Variants in ENOX2 observed in about 807,000 individuals in gnomAD.
ENOX2 encodes the protein ecto-NOX disulfide-thiol exchanger 2, also known as APK1 antigen.
ENOX2 carries 36 observed loss-of-function variants against 45.0 expected under a neutral mutation model. That is an observed-to-expected ratio of 0.80 (90% CI 0.61 to 1.06). ENOX2 has a LOEUF of 1.06. ENOX2 is among the 50% of genes least tolerant of loss of function. ENOX2 has a pLI of 0.00. For missense variants in ENOX2, 423 were observed against 462.5 expected (o/e 0.91, Z 0.78); for synonymous variants, 174 against 152.3 (o/e 1.14, Z -1.05).
intron 3 of ENOX2, among the ~76,000 whole-genome samples, chrX:130,768,165 C>T (rs1032588082): frequency 3.6e-5 from 4 of 111,469 alleles, no homozygotes; most frequent in African/African-American, 1.3e-4. Flanking sequence ...TTTTCTTTTT[C>T]CCATAGCAGA....
At chrX:130,710,573 C>T (rs1022152633) in intron 3 of ENOX2, among the ~76,000 whole-genome samples, 2 of 111,793 alleles carry the variant, frequency 1.8e-5, no homozygotes, top group African/African-American at 6.5e-5. Flanking sequence ...ATTATCTGGC[C>T]TAAAATGTCA....
chrX:130,688,788 TC>T (rs1282839444), intron 5 of ENOX2, 74 bp downstream of exon 5: 1 of 837,214 alleles, frequency 1.2e-6, no homozygotes, highest in Non-Finnish European at 1.7e-6. Context: ...CCTTGGGTAT[TC>T]TTTTGAGAAA....
At chrX:130,673,455 A>G (rs749036209) in intron 6 of ENOX2, among the ~76,000 whole-genome samples, 1 of 109,593 alleles carries the variant, frequency 9.1e-6, no homozygotes, top group African/African-American at 3.3e-5. Flanking sequence ...AATGCAGGAT[A>G]TGAAAGAAGA....
rs143554923 is a variant in ENOX2, at chrX:130,657,657, T to C, written c.1015-962A>G. ...ACAACTGAGCTGGCCATCCAAGAGA[T>C]AGAATTCCCAGCTTGAATCCAACTA... is the stretch of plus-strand genomic sequence containing the variant. On this transcript the variant is annotated intron_variant, in intron 9 of 14. Coordinates refer to ENST00000394363, the MANE Select transcript of ENOX2 (RefSeq NM_006375.4). Among the ~76,000 whole-genome samples the C allele has an allele frequency of 1.7e-3, 190 of 112,650 alleles. 1 individual carries two copies. In the East Asian group the frequency reaches 0.018, roughly 11 times the overall value.
intron 3 of ENOX2, among the ~76,000 whole-genome samples, chrX:130,743,640 T>C (rs2039034747): frequency 1.9e-5 from 2 of 106,959 alleles, no homozygotes; most frequent in Non-Finnish European, 3.9e-5. Flanking sequence ...CCTGGCTAAT[T>C]TTTTTTTTTT....
intron 2 of ENOX2, among the ~76,000 whole-genome samples, chrX:130,806,567 G>C (rs944920775): frequency 1.8e-5 from 2 of 112,039 alleles, no homozygotes; most frequent in Non-Finnish European, 3.8e-5. Context: ...TAGAGCTTAA[G>C]TTCTCCTTCT....
At chrX:130,864,583 A>T (rs2078461669) in intron 2 of ENOX2, among the ~76,000 whole-genome samples, 1 of 112,533 alleles carries the variant, frequency 8.9e-6, no homozygotes, top group South Asian at 3.6e-4. Flanking sequence ...CTCAAAACAT[A>T]GTCATTGCTA....
intron 8 of ENOX2, among the ~76,000 whole-genome samples, chrX:130,666,539 C>A (rs1031881071): frequency 9.0e-6 from 1 of 111,423 alleles, no homozygotes; most frequent in African/African-American, 3.3e-5. Flanking sequence ...GTAAGAAAAT[C>A]CAGAGGTATT....
chrX:130,699,965 C>A (rs938891596), intron 4 of ENOX2, among the ~76,000 whole-genome samples: 8 of 112,103 alleles, frequency 7.1e-5, no homozygotes, highest in Admixed American at 1.9e-4. Context: ...TTACTGTGAG[C>A]CAGGCATCAT....
intron 2 of ENOX2, among the ~76,000 whole-genome samples, chrX:130,871,866 G>A (rs965146606): frequency 9.0e-6 from 1 of 111,299 alleles, no homozygotes; most frequent in Admixed American, 9.5e-5. Context: ...TATGGTTAAG[G>A]GTTAACCTCA....
At chrX:130,876,605 T>C (rs1407843768) in intron 2 of ENOX2, among the ~76,000 whole-genome samples, 3 of 111,903 alleles carry the variant, frequency 2.7e-5, no homozygotes, top group African/African-American at 6.5e-5. Flanking sequence ...ATGAGTAAAC[T>C]GTATGATATG....
chrX:130,638,489 G>A (rs984424285), intron 10 of ENOX2, among the ~76,000 whole-genome samples: 3 of 107,844 alleles, frequency 2.8e-5, no homozygotes, highest in Non-Finnish European at 3.8e-5. Flanking sequence ...GCATTGACTC[G>A]TCTCACAGAG....
chrX:130,872,363 C>T (rs771958274), intron 2 of ENOX2, among the ~76,000 whole-genome samples: 7 of 112,285 alleles, frequency 6.2e-5, no homozygotes, highest in Non-Finnish European at 1.1e-4. Flanking sequence ...CACTGAAGAT[C>T]ATATCAGAAT....
At chrX:130,784,219 T>C (rs1332523266) in intron 2 of ENOX2, among the ~76,000 whole-genome samples, 1 of 111,954 alleles carries the variant, frequency 8.9e-6, no homozygotes, top group Non-Finnish European at 1.9e-5. Flanking sequence ...GCAAGGGGGT[T>C]ATTTAGTAGC....
chrX:130,899,147 A>C (rs913634142), intron 2 of ENOX2, among the ~76,000 whole-genome samples: 5 of 111,323 alleles, frequency 4.5e-5, no homozygotes, highest in African/African-American at 1.6e-4. Flanking sequence ...GAAAAAGGTA[A>C]GATAACCAGG....
intron 10 of ENOX2, among the ~76,000 whole-genome samples, chrX:130,640,410 C>A (rs751280367): frequency 1.4e-4 from 16 of 111,863 alleles, no homozygotes; most frequent in African/African-American, 4.2e-4. Flanking sequence ...GGGTATATAC[C>A]CAAAGGAATA....
intron 2 of ENOX2, among the ~76,000 whole-genome samples, chrX:130,889,225 G>C (rs1424118608): frequency 9.0e-6 from 1 of 111,326 alleles, no homozygotes; most frequent in African/African-American, 3.3e-5. Context: ...CACATGTCCT[G>C]ATTTCCATCT....
At chrX:130,750,969 G>A in intron 3 of ENOX2, among the ~76,000 whole-genome samples, 1 of 111,273 alleles carries the variant, frequency 9.0e-6, no homozygotes, top group Non-Finnish European at 1.9e-5. Flanking sequence ...CTGGGTATCT[G>A]TCTGTCTGTG....
At chrX:130,712,567 A>C (rs2038221099) in intron 3 of ENOX2, among the ~76,000 whole-genome samples, 1 of 110,977 alleles carries the variant, frequency 9.0e-6, no homozygotes, top group Admixed American at 9.6e-5. Flanking sequence ...GCATGTGTAC[A>C]ACTCTAGTAA....
Sources: allele counts gnomAD v4.1 joint callset (sites outside exome capture counted in the v4.1 genomes callset), GRCh38; gene constraint gnomAD v4.1.1; transcripts MANE v1.5; gene names NCBI Gene and HGNC (gene_info 2026-07-23, HGNC 2026-07-21).